HK1: variants seen among roughly 807,000 people sequenced by gnomAD.
HK1 encodes the protein hexokinase 1, also known as hexokinase-1.
A neutral mutation model predicts 91.6 loss-of-function variants in HK1; 28 were observed. That is an observed-to-expected ratio of 0.31 (90% CI 0.23 to 0.42). The LOEUF (loss-of-function observed/expected upper bound fraction) is 0.42. Ranked by LOEUF, HK1 falls within the 10% of genes least tolerant of loss-of-function variation. The pLI, the probability that HK1 is intolerant of heterozygous loss-of-function variation, is 1.00. For missense variants in HK1, 770 were observed against 1,219.8 expected (o/e 0.63, Z 5.49); for synonymous variants, 430 against 468.1 (o/e 0.92, Z 1.05).
At chr10:69,342,566 C>T (rs1848345455) in intron 1 of HK1, among the ~76,000 whole-genome samples, 1 of 152,156 alleles carries the variant, frequency 6.6e-6, no homozygotes, top group African/African-American at 2.4e-5. Flanking sequence ...GAGCACAGAG[C>T]CACACCTGCA....
intron 17 of HK1, 45 bp downstream of exon 17, chr10:69,398,873 C>A (rs1840261069): frequency 2.7e-6 from 4 of 1,482,306 alleles, no homozygotes; most frequent in Non-Finnish European, 3.8e-6. Flanking sequence ...TGCTGGGATC[C>A]CTTTGGGTTA....
intron 1 of HK1, among the ~76,000 whole-genome samples, chr10:69,331,315 G>C (rs1226746968): frequency 6.6e-6 from 1 of 152,230 alleles, no homozygotes; most frequent in African/African-American, 2.4e-5. Context: ...ACCTAAGATG[G>C]GAAGGAAGGA....
intron 1 of HK1, among the ~76,000 whole-genome samples, chr10:69,273,342 AG>A (rs1483702416): frequency 6.6e-6 from 1 of 152,094 alleles, no homozygotes; most frequent in Non-Finnish European, 1.5e-5. Context: ...CAGACTCCCA[AG>A]TAGCTGGGAC....
chr10:69,279,366 T>C (rs1357427198), intron 1 of HK1, among the ~76,000 whole-genome samples: 1 of 152,216 alleles, frequency 6.6e-6, no homozygotes, highest in Non-Finnish European at 1.5e-5. Flanking sequence ...TTGCTCTGAA[T>C]TGGGTCTTTT....
Position 69,362,907 on chromosome 10 carries a change from A to G in HK1, c.376-1876A>G, listed in dbSNP as rs1849507035. ...TGCCAGCTGCTCTGCAGCCTGAGTA[A>G]TAGTGACTCAGGGATAGAAGGTCCT... is the stretch of plus-strand genomic sequence containing the variant. On this transcript the variant is annotated intron_variant, in intron 3 of 17. Coordinates refer to ENST00000359426, the MANE Select transcript of HK1 (RefSeq NM_000188.3). Among the ~76,000 whole-genome samples, 3 of 152,240 alleles carry G rather than the reference A, an allele frequency of 2.0e-5. No homozygotes were observed. The South Asian group carries it at 6.2e-4, about 32-fold the overall frequency.
chr10:69,374,981 A>T (rs1316975449), intron 7 of HK1, among the ~76,000 whole-genome samples: 1 of 152,224 alleles, frequency 6.6e-6, no homozygotes, highest in South Asian at 2.1e-4. Context: ...GACACGGTCC[A>T]TGAGACAGGC....
intron 2 of HK1, among the ~76,000 whole-genome samples, chr10:69,346,470 T>C (rs1226404831): frequency 6.6e-6 from 1 of 152,218 alleles, no homozygotes; most frequent in Non-Finnish European, 1.5e-5. Flanking sequence ...TTCTGATACC[T>C]ATCAGCCCAT....
upstream of HK1, chr10:69,318,249 T>G (rs1055742145): frequency 2.0e-6 from 2 of 984,204 alleles, no homozygotes; most frequent in Non-Finnish European, 2.4e-6. Flanking sequence ...GGCCGGTGCG[T>G]TCGGCCTGGG....
intron 9 of HK1, among the ~76,000 whole-genome samples, chr10:69,382,091 T>G (rs1264977636): frequency 1.3e-5 from 2 of 152,222 alleles, no homozygotes; most frequent in African/African-American, 2.4e-5. Flanking sequence ...AAAAAGCAGG[T>G]GCAGAAAATG....
chr10:69,270,342 A>G (rs1311247648), intron 1 of HK1, among the ~76,000 whole-genome samples: 1 of 151,818 alleles, frequency 6.6e-6, no homozygotes, highest in Non-Finnish European at 1.5e-5. Context: ...GCACTTTGGG[A>G]GGCCAAGGTG....
chr10:69,374,478 C>T (rs1465262941), intron 7 of HK1, among the ~76,000 whole-genome samples: 4 of 152,230 alleles, frequency 2.6e-5, no homozygotes, highest in Admixed American at 6.5e-5. Context: ...GGGCGTTACC[C>T]GTTCAGTTAT....
chr10:69,279,294 C>A (rs1460101060), intron 1 of HK1, among the ~76,000 whole-genome samples: 1 of 152,170 alleles, frequency 6.6e-6, no homozygotes. Flanking sequence ...GGCGTTGGGA[C>A]AACATGCAAA....
intron 1 of HK1, among the ~76,000 whole-genome samples, chr10:69,342,801 C>T (rs1459326617): frequency 2.6e-5 from 4 of 152,160 alleles, no homozygotes; most frequent in African/African-American, 9.7e-5. Flanking sequence ...GTGGACTCTA[C>T]AGGGATAGTG....
intron 9 of HK1, among the ~76,000 whole-genome samples, chr10:69,382,275 T>A (rs1839426438): frequency 6.6e-6 from 1 of 152,006 alleles, no homozygotes; most frequent in South Asian, 2.1e-4. Flanking sequence ...CTCGGGAGGC[T>A]AAGGTGGGAG....
At chr10:69,373,864 A>G (rs1450030771) in intron 7 of HK1, among the ~76,000 whole-genome samples, 1 of 152,100 alleles carries the variant, frequency 6.6e-6, no homozygotes, top group Non-Finnish European at 1.5e-5. Flanking sequence ...TGCTGGCATT[A>G]CAGGTGTGAG....
chr10:69,286,898 G>C (rs1476140632), intron 2 of HK1, among the ~76,000 whole-genome samples: 1 of 152,132 alleles, frequency 6.6e-6, no homozygotes, highest in South Asian at 2.1e-4. Context: ...TGCCTCTGTC[G>C]AGGAAGCTCA....
In HK1 at chr10:69,382,828, T is replaced by C. The variant is rs1452843921; in HGVS notation, c.1570+37T>C. On this transcript the variant is annotated intron_variant, in intron 10 of 17. Coordinates refer to ENST00000359426, the MANE Select transcript of HK1 (RefSeq NM_000188.3). ...CTGGGGGCTGACATGCCTGTCCTGCTCCTGCCAGGAACTGAGCCGCAGTGG... is the reference window on the plus strand; with the variant it reads ...CTGGGGGCTGACATGCCTGTCCTGCCCCTGCCAGGAACTGAGCCGCAGTGG... 2.5e-6 allele frequency: 4 copies of C among 1,597,428 alleles called. No homozygotes were observed. The South Asian group carries it at 3.4e-5, about 14-fold the overall frequency.
chr10:69,392,272 T>G lies in HK1; in HGVS notation c.2183T>G (p.Leu728Arg), dbSNP rs1422116401. ...LDDIRTHYDR[L>R]VDEYSLNAGK... ...GATATCAGGACACACTACGACAGAC[T>G]GGTGGACGAATATTCCCTAAATGCT... The change falls in exon 15 of 18, where the codon CTG becomes CGG. Residue 728 changes from leucine (L) to arginine (R), a missense_variant. Leu to Arg is a moderately radical substitution (Grantham distance 102, BLOSUM62 -2). Transcript: ENST00000359426. 6.2e-7 allele frequency: 1 copy of G among 1,614,192 alleles called. No individual in the cohort carries two copies. Among genetic ancestry groups the G allele is most frequent in the Admixed American group, 1.7e-5 (1 of 60,024 alleles).
In HK1 at chr10:69,310,099, C is replaced by T. The variant is rs115067321; in HGVS notation, c.27+9238C>T. Reference sequence around the variant, plus strand: ...TACCACTGAACTCCAGCCTGGGTGACGGAGTGAAACTCCATCTAAAAAAAA... The same window carrying T: ...TACCACTGAACTCCAGCCTGGGTGATGGAGTGAAACTCCATCTAAAAAAAA... On this transcript the variant is annotated intron_variant, in intron 5 of 21. Transcript: ENST00000360289. Among the ~76,000 whole-genome samples the T allele has an allele frequency of 9.7e-3, 1,368 of 140,462 alleles. 18 individuals carry two copies. The highest frequency in any genetic ancestry group is 0.033 in the African/African-American group (1,222 of 37,230). 92.1% of individuals were successfully genotyped at this position (140,462 alleles called of 152,430 possible).
Sources: allele counts gnomAD v4.1 joint callset (sites outside exome capture counted in the v4.1 genomes callset), GRCh38; gene constraint gnomAD v4.1.1; transcripts MANE v1.5; gene names NCBI Gene and HGNC (gene_info 2026-07-23, HGNC 2026-07-21).